SCOC: variants seen among roughly 807,000 people sequenced by gnomAD.
SCOC encodes short coiled-coil protein.
A neutral mutation model predicts 9.9 loss-of-function variants in SCOC; 7 were observed. The observed-to-expected ratio is 0.71, with a 90% CI of 0.40 to 1.33. SCOC has a LOEUF of 1.33. Among genes scored for constraint, SCOC ranks in the 40% most tolerant of loss-of-function variants. The pLI is 0.01. For missense variants in SCOC, 66 were observed against 89.7 expected (o/e 0.74, Z 1.07); for synonymous variants, 19 against 28.2 (o/e 0.67, Z 1.03).
At chr4:140,372,505 CTCT>C (rs897167963), upstream of SCOC, among the ~76,000 whole-genome samples, 1 of 152,098 alleles carries the variant, frequency 6.6e-6, no homozygotes, top group African/African-American at 2.4e-5. Flanking sequence ...TCTCTAGTCT[CTCT>C]TTTTTGGCAC....
chr4:140,365,904 T>C (rs778133784), intron 2 of SCOC, among the ~76,000 whole-genome samples: 15 of 152,224 alleles, frequency 9.9e-5, no homozygotes, highest in Admixed American at 5.9e-4. Context: ...AATTATACTT[T>C]GGGGGAGTCA....
At chr4:140,308,620 C>G (rs1732059489) in intron 1 of SCOC, among the ~76,000 whole-genome samples, 1 of 152,210 alleles carries the variant, frequency 6.6e-6, no homozygotes, top group Admixed American at 6.5e-5. Context: ...ACGTGGCAGC[C>G]TGCAGCTTGC....
chr4:140,285,201 C>T, intron 1 of SCOC: 1 of 456,748 alleles, frequency 2.2e-6, no homozygotes. Context: ...GTTCGATAGA[C>T]ATCCTGTTGT....
chr4:140,352,850 T>C (rs1727039740), intron 2 of SCOC, among the ~76,000 whole-genome samples: 1 of 152,212 alleles, frequency 6.6e-6, no homozygotes, highest in Non-Finnish European at 1.5e-5. Flanking sequence ...AATTTTCTCA[T>C]GTTAAATTTG....
At chr4:140,290,363 T>C (rs1440829978) in intron 1 of SCOC, among the ~76,000 whole-genome samples, 6 of 152,204 alleles carry the variant, frequency 3.9e-5, no homozygotes, top group Admixed American at 2.0e-4. Context: ...GGGACACTCA[T>C]TTGACAAGAG....
At chr4:140,326,107 G>A (rs1219423052) in intron 1 of SCOC, among the ~76,000 whole-genome samples, 6 of 152,070 alleles carry the variant, frequency 3.9e-5, no homozygotes, top group Non-Finnish European at 8.8e-5. Context: ...TCATTTTTAT[G>A]ACATCGTGTA....
upstream of SCOC, among the ~76,000 whole-genome samples, chr4:140,340,002 A>G (rs1197069718): frequency 6.6e-6 from 1 of 152,208 alleles, no homozygotes; most frequent in Non-Finnish European, 1.5e-5. Flanking sequence ...ACATGCACAC[A>G]TATGTTTATT....
intron 1 of SCOC, among the ~76,000 whole-genome samples, chr4:140,269,775 G>T (rs1730802489): frequency 6.6e-6 from 1 of 152,080 alleles, no homozygotes; most frequent in African/African-American, 2.4e-5. Flanking sequence ...TTTAGAGACA[G>T]GGTCTTGCTC....
At chr4:140,316,150 G>A (rs1193279515) in intron 1 of SCOC, among the ~76,000 whole-genome samples, 1 of 151,978 alleles carries the variant, frequency 6.6e-6, no homozygotes, top group Non-Finnish European at 1.5e-5. Context: ...CCAGCTCCAG[G>A]GCCTCAGTCA....
At chr4:140,293,362 G>T (rs1259380891) in intron 1 of SCOC, 2 of 456,872 alleles carry the variant, frequency 4.4e-6, no homozygotes, top group Admixed American at 4.7e-5. Flanking sequence ...GGTGTGTCTT[G>T]TGTCTTCTGA....
intron 1 of SCOC, among the ~76,000 whole-genome samples, chr4:140,267,584 G>A (rs868182780): frequency 6.6e-6 from 1 of 152,086 alleles, no homozygotes; most frequent in Admixed American, 6.6e-5. Context: ...AGGTAGAGAG[G>A]GAGAAACGAG....
At chr4:140,365,947 T>A (rs1286747834) in intron 2 of SCOC, among the ~76,000 whole-genome samples, 3 of 152,162 alleles carry the variant, frequency 2.0e-5, no homozygotes, top group Non-Finnish European at 4.4e-5. Context: ...TTACACAGGG[T>A]ATTGGCACCT....
intron 1 of SCOC, among the ~76,000 whole-genome samples, chr4:140,315,485 T>C (rs1340814992): frequency 6.6e-6 from 1 of 152,196 alleles, no homozygotes; most frequent in Admixed American, 6.5e-5. Flanking sequence ...CTGTAGAGCT[T>C]GAATTCTTAA....
chr4:140,295,724 G>A (rs904363561), intron 1 of SCOC, among the ~76,000 whole-genome samples: 2 of 151,954 alleles, frequency 1.3e-5, no homozygotes, highest in Non-Finnish European at 2.9e-5. Flanking sequence ...GGCGGATCAC[G>A]AGGTCAGGAG....
chr4:140,358,800 C>T (rs2126545731), intron 2 of SCOC, among the ~76,000 whole-genome samples: 1 of 152,212 alleles, frequency 6.6e-6, no homozygotes, highest in Middle Eastern at 3.4e-3. Flanking sequence ...TTTACTTAGC[C>T]TTCTTAAAAT....
intron 1 of SCOC, among the ~76,000 whole-genome samples, chr4:140,296,590 C>T: frequency 6.6e-6 from 1 of 152,174 alleles, no homozygotes; most frequent in East Asian, 1.9e-4. Flanking sequence ...TGACCCATTT[C>T]CACATCCTAA....
intron 1 of SCOC, chr4:140,284,704 C>G (rs769840551): frequency 6.9e-6 from 1 of 144,380 alleles, no homozygotes; most frequent in East Asian, 2.0e-4. Context: ...AAGGTTAAGA[C>G]TTAGCCTGTT....
rs560627991 is a variant in SCOC at position 140,367,547 on chromosome 4, T to G, written c.71-11574T>G. Among the ~76,000 whole-genome samples the G allele has an allele frequency of 5.3e-5, 8 of 152,008 alleles. No homozygotes were observed. The East Asian group carries it at 1.6e-3, about 30-fold the overall frequency. ...GGTGTGTGCTGCCATGCCTGGCTAA[T>G]TTTTGTATTTTTAGTAGAGACGGGG... On this transcript the variant is annotated intron_variant, in intron 2 of 4. Transcript: ENST00000338517.
At chr4:140,326,693 A>ATT (rs1732659358) in intron 1 of SCOC, among the ~76,000 whole-genome samples, 3 of 152,190 alleles carry the variant, frequency 2.0e-5, no homozygotes, top group Non-Finnish European at 2.9e-5. Context: ...GTGGACTTCT[A>ATT]ATGCTAAAGT....
Sources: gnomAD v4.1 joint callset for allele counts (sites outside exome capture counted in the v4.1 genomes callset) on GRCh38, gnomAD v4.1.1 for gene constraint, MANE v1.5 for transcripts, NCBI Gene and HGNC (gene_info 2026-07-23, HGNC 2026-07-21) for gene names.